Variants in CTNNA3 observed in about 807,000 individuals in gnomAD.
The protein encoded by CTNNA3 is catenin alpha-3.
A neutral mutation model predicts 95.7 loss-of-function variants in CTNNA3; 76 were observed. That is an observed-to-expected ratio of 0.79 (90% CI 0.66 to 0.96). The LOEUF (loss-of-function observed/expected upper bound fraction) is 0.96. Among genes scored for constraint, CTNNA3 ranks in the 40% least tolerant of loss-of-function variants. The probability of loss-of-function intolerance (pLI) is 0.00; values close to 1 mark genes in which losing one functional copy is unlikely to be tolerated. For synonymous variants in CTNNA3, 431 were observed against 374.4 expected (o/e 1.15, Z -1.74); for missense variants, 1,191 against 1,089.8 (o/e 1.09, Z -1.31).
chr10:66,965,409 C>A (rs1377769280), intron 7 of CTNNA3, among the ~76,000 whole-genome samples: 1 of 151,794 alleles, frequency 6.6e-6, no homozygotes, highest in Non-Finnish European at 1.5e-5. Flanking sequence ...GTGGCAGGTG[C>A]CTATAGTCCC....
intron 10 of CTNNA3, among the ~76,000 whole-genome samples, chr10:66,609,300 C>T (rs1911331): frequency 0.32 from 46,906 of 148,402 alleles, 8,681 homozygotes; most frequent in East Asian, 0.84. Flanking sequence ...TGACCTCAAG[C>T]AATCTGCCCT....
At chr10:66,292,878 A>G (rs999730984) in intron 12 of CTNNA3, among the ~76,000 whole-genome samples, 10 of 152,172 alleles carry the variant, frequency 6.6e-5, no homozygotes, top group African/African-American at 2.4e-4. Context: ...CTTTCTCCTC[A>G]AAAGACCTCA....
chr10:66,440,237 A>C (rs2093365948), intron 11 of CTNNA3, among the ~76,000 whole-genome samples: 1 of 152,196 alleles, frequency 6.6e-6, no homozygotes, highest in Non-Finnish European at 1.5e-5. Context: ...TTTGTAATAT[A>C]ATCAATTTTT....
At chr10:66,796,337 C>G (rs575552665) in intron 7 of CTNNA3, among the ~76,000 whole-genome samples, 1 of 152,118 alleles carries the variant, frequency 6.6e-6, no homozygotes, top group African/African-American at 2.4e-5. Flanking sequence ...AGCAAGCCTC[C>G]AGGAGAAGGA....
At chr10:66,926,432 C>A in intron 7 of CTNNA3, 2 of 760,676 alleles carry the variant, frequency 2.6e-6, no homozygotes, top group South Asian at 1.6e-5. Context: ...GAATAATGTT[C>A]CAAAATCGGT....
chr10:66,768,538 A>T (rs1420894775), intron 8 of CTNNA3, among the ~76,000 whole-genome samples: 1 of 152,216 alleles, frequency 6.6e-6, no homozygotes, highest in East Asian at 1.9e-4. Context: ...CTTCAAATGT[A>T]GTTATCCTAC....
intron 11 of CTNNA3, among the ~76,000 whole-genome samples, chr10:66,435,905 C>T (rs1419347054): frequency 6.6e-6 from 1 of 152,172 alleles, no homozygotes; most frequent in African/African-American, 2.4e-5. Flanking sequence ...TTTCAAAGAA[C>T]TTATTTATTT....
chr10:67,651,096 T>C (rs1219374734), intron 1 of CTNNA3, among the ~76,000 whole-genome samples: 1 of 151,980 alleles, frequency 6.6e-6, no homozygotes, highest in African/African-American at 2.4e-5. Context: ...ATGTGGTTCC[T>C]ATAGAAAATT....
chr10:66,215,678 G>C (rs907530023), intron 13 of CTNNA3, among the ~76,000 whole-genome samples: 1 of 152,094 alleles, frequency 6.6e-6, no homozygotes. Flanking sequence ...AAACTATAAG[G>C]TTTAAGATAA....
intron 7 of CTNNA3, among the ~76,000 whole-genome samples, chr10:67,012,098 C>T (rs968799287): frequency 6.6e-6 from 1 of 152,204 alleles, no homozygotes; most frequent in Non-Finnish European, 1.5e-5. Context: ...AAGTCAAACA[C>T]AACTCTCTCT....
Position 66,656,161 on chromosome 10 carries a change from A to T in CTNNA3, c.1282-34377T>A, listed in dbSNP as rs140240248. Among the ~76,000 whole-genome samples the T allele has an allele frequency of 4.8e-3, 729 of 152,244 alleles. 7 individuals are homozygous for T. The highest frequency in any genetic ancestry group is 0.01 in the Admixed American group (158 of 15,294). On this transcript the variant is annotated intron_variant, in intron 9 of 17. Transcript: ENST00000433211. Reference sequence around the variant, plus strand: ...AGCTACAAAGTGCAGAGTTTTAAACAGTGAATCCAATGCATGTCCAGAGAA... The same window carrying T: ...AGCTACAAAGTGCAGAGTTTTAAACTGTGAATCCAATGCATGTCCAGAGAA...
chr10:67,537,856 C>A (rs1208332496), intron 4 of CTNNA3, among the ~76,000 whole-genome samples: 1 of 151,978 alleles, frequency 6.6e-6, no homozygotes, highest in Admixed American at 6.6e-5. Context: ...GGTTATTAAA[C>A]AAACCAAGAA....
chr10:66,632,555 C>CAA (rs10559608), intron 9 of CTNNA3, among the ~76,000 whole-genome samples: 8 of 100,866 alleles, frequency 7.9e-5, no homozygotes, highest in African/African-American at 1.1e-4. Flanking sequence ...AACTCCATCT[C>CAA]AAAAAAAAAA....
chr10:66,463,888 T>A (rs1006123256), intron 11 of CTNNA3, among the ~76,000 whole-genome samples: 1 of 146,168 alleles, frequency 6.8e-6, no homozygotes, highest in Non-Finnish European at 1.5e-5. Context: ...ACTTTCCAAT[T>A]TTTTTTTTTT....
intron 2 of CTNNA3, among the ~76,000 whole-genome samples, chr10:67,638,916 A>G (rs58999508): frequency 0.12 from 18,611 of 152,172 alleles, 2,106 homozygotes; most frequent in East Asian, 0.43. Context: ...GGAAAGATCT[A>G]AAATTGACAC....
At position 67,111,666 on chromosome 10, in the gene CTNNA3, T is replaced by C. The variant is rs74145105; in HGVS notation, c.1047+68651A>G. On this transcript the variant is annotated intron_variant, in intron 7 of 17. Coordinates refer to ENST00000433211, the MANE Select transcript of CTNNA3 (RefSeq NM_013266.4). ...TCTATTGAAGTGTATTCCATATACT[T>C]AATATAATATTATTATAATAAATGG... 4.1e-3 allele frequency among the ~76,000 whole-genome samples: 630 copies of C among 152,066 alleles called. 5 individuals carry two copies. Among genetic ancestry groups the C allele is most frequent in the African/African-American group, 0.014 (600 of 41,544 alleles).
chr10:66,865,211 TGC>T (rs566766346), intron 7 of CTNNA3, among the ~76,000 whole-genome samples: 3,046 of 88,802 alleles, frequency 0.034, 49 homozygotes, highest in African/African-American at 0.053. Flanking sequence ...TGTGTGTGTG[TGC>T]GTGTGTGTGT....
At position 67,521,732 on chromosome 10, in the gene CTNNA3, C is replaced by G. The variant is rs561521596; in HGVS notation, c.579+110G>C. ...CAGCACAGCACAACCTGTATCTGCT[C>G]TAACCATTAGAAGATAAGTTTCCTC... On this transcript the variant is annotated intron_variant, in intron 5 of 17. Transcript: ENST00000433211. 1,508 of 1,367,816 alleles carry G rather than the reference C, an allele frequency of 1.1e-3. 33 individuals carry two copies. In the South Asian group the frequency reaches 0.02, roughly 18 times the overall value. 84.7% of individuals were successfully genotyped at this position (1,367,816 alleles called of 1,614,324 possible). A position where few individuals can be genotyped will look rare whatever the true frequency, so the allele number is the denominator to read the frequency against.
At chr10:67,426,140 T>C (rs1414701355) in intron 5 of CTNNA3, among the ~76,000 whole-genome samples, 1 of 151,714 alleles carries the variant, frequency 6.6e-6, no homozygotes, top group Non-Finnish European at 1.5e-5. Flanking sequence ...AACAAATGAG[T>C]AGAAGAAGCA....
Sources: allele counts gnomAD v4.1 joint callset (sites outside exome capture counted in the v4.1 genomes callset), GRCh38; gene constraint gnomAD v4.1.1; transcripts MANE v1.5; gene names NCBI Gene and HGNC (gene_info 2026-07-23, HGNC 2026-07-21).